The following PTPRT variants were observed in gnomAD, a reference collection of about 807,000 sequenced individuals.
PTPRT encodes the protein protein tyrosine phosphatase receptor type T.
PTPRT carries 56 observed loss-of-function variants against 176.8 expected under a neutral mutation model. The ratio of observed to expected loss-of-function variants is 0.32; its 90% confidence interval spans 0.26 to 0.40. The LOEUF (loss-of-function observed/expected upper bound fraction) is 0.40, where lower values mean the gene tolerates loss of function less well. Ranked by LOEUF, PTPRT falls within the 10% of genes least tolerant of loss-of-function variation. The pLI, the probability that PTPRT is intolerant of heterozygous loss-of-function variation, is 1.00. For missense variants in PTPRT, 1,540 were observed against 1,908.2 expected, an observed-to-expected ratio of 0.81 and a Z score of 3.60; for synonymous variants, 783 against 739.0, an observed-to-expected ratio of 1.06 and a Z score of -0.96.
intron 1 of PTPRT, among the ~76,000 whole-genome samples, chr20:43,086,249 A>G (rs372849695): frequency 6.6e-6 from 1 of 152,200 alleles, no homozygotes; most frequent in Non-Finnish European, 1.5e-5. Context: ...CTGAAGTCCA[A>G]ATAGAATGAG....
chr20:42,038,847 A>G, the PTPRT span, among the ~76,000 whole-genome samples: 1 of 152,184 alleles, frequency 6.6e-6, no homozygotes, highest in Non-Finnish European at 1.5e-5. Context: ...GCATCAGCAG[A>G]GACTGCTGGA....
intron 1 of PTPRT, among the ~76,000 whole-genome samples, chr20:43,160,611 G>A (rs1332912153): frequency 6.6e-6 from 1 of 152,074 alleles, no homozygotes; most frequent in Non-Finnish European, 1.5e-5. Flanking sequence ...GTGATATAAA[G>A]CCAGTCAACA....
chr20:42,140,237 T>C (rs79052097), intron 18 of PTPRT, among the ~76,000 whole-genome samples: 5 of 149,584 alleles, frequency 3.3e-5, no homozygotes, highest in Middle Eastern at 3.4e-3. Flanking sequence ...TTTTTTTTTT[T>C]CTTTTGGATG....
At chr20:42,223,571 A>C (rs1235770996) in intron 15 of PTPRT, among the ~76,000 whole-genome samples, 2 of 152,236 alleles carry the variant, frequency 1.3e-5, no homozygotes, top group African/African-American at 2.4e-5. Context: ...CCTTGCCTAC[A>C]TGGCTGGAAA....
At chr20:42,063,850 A>G in the PTPRT span, 47 of 152,228 alleles carry the variant, frequency 3.1e-4, no homozygotes, top group East Asian at 2.1e-3. Context: ...AATTCTGATT[A>G]TTTTATGAGA....
intron 2 of PTPRT, among the ~76,000 whole-genome samples, chr20:42,832,507 A>G (rs547331536): frequency 5.3e-5 from 8 of 149,982 alleles, no homozygotes; most frequent in Non-Finnish European, 8.9e-5. Context: ...ACTAAAAGCT[A>G]AAAAAAAAGA....
intron 7 of PTPRT, among the ~76,000 whole-genome samples, chr20:42,480,970 C>T (rs889800037): frequency 1.3e-5 from 2 of 151,532 alleles, no homozygotes; most frequent in African/African-American, 4.8e-5. Flanking sequence ...TACCATTTTT[C>T]ATGAAAGGTT....
chr20:42,219,219 A>T (rs1250059886), intron 15 of PTPRT, among the ~76,000 whole-genome samples: 1 of 152,176 alleles, frequency 6.6e-6, no homozygotes, highest in Non-Finnish European at 1.5e-5. Context: ...TGCAATCATA[A>T]ACTGCCGCTG....
At chr20:42,873,115 G>C (rs2078872532) in intron 2 of PTPRT, among the ~76,000 whole-genome samples, 1 of 152,166 alleles carries the variant, frequency 6.6e-6, no homozygotes, top group Non-Finnish European at 1.5e-5. Flanking sequence ...GGAAAACTGA[G>C]GTCCAGAGGT....
At chr20:43,051,625 TAAAA>T (rs35885799) in intron 1 of PTPRT, among the ~76,000 whole-genome samples, 9,410 of 91,812 alleles carry the variant, frequency 0.1, 429 homozygotes, top group Middle Eastern at 0.21. Flanking sequence ...TCTGTAACTG[TAAAA>T]AAAAAAAAAA....
intron 1 of PTPRT, among the ~76,000 whole-genome samples, chr20:42,993,614 T>C (rs769187254): frequency 4.7e-5 from 7 of 148,932 alleles, no homozygotes; most frequent in African/African-American, 7.6e-5. Context: ...ATTTGGGCCT[T>C]TCAGTTTATT....
chr20:42,718,929 T>C (rs1439708278), intron 6 of PTPRT, among the ~76,000 whole-genome samples: 2 of 152,100 alleles, frequency 1.3e-5, no homozygotes, highest in African/African-American at 2.4e-5. Flanking sequence ...GTGATACTAG[T>C]GATGGTAGGA....
chr20:42,660,217 C>G (rs1276220009), intron 7 of PTPRT, among the ~76,000 whole-genome samples: 1 of 152,098 alleles, frequency 6.6e-6, no homozygotes. Flanking sequence ...GGTGTCTGCT[C>G]CACCATTATG....
the PTPRT span, among the ~76,000 whole-genome samples, chr20:42,052,147 G>C: frequency 7.9e-5 from 12 of 152,240 alleles, no homozygotes; most frequent in African/African-American, 2.9e-4. Flanking sequence ...ACTTGGCACA[G>C]ACAGACCAGG....
intron 17 of PTPRT, among the ~76,000 whole-genome samples, 173 bp downstream of exon 17, chr20:42,161,179 T>C (rs1989579072): frequency 6.6e-6 from 1 of 152,190 alleles, no homozygotes; most frequent in Admixed American, 6.5e-5. Context: ...CTGGTTAAAA[T>C]GCAGGTTCTG....
At chr20:43,102,635 T>C (rs1317462829) in intron 1 of PTPRT, among the ~76,000 whole-genome samples, 1 of 152,148 alleles carries the variant, frequency 6.6e-6, no homozygotes, top group African/African-American at 2.4e-5. Flanking sequence ...TGGCTGTGGG[T>C]GCAGAGCAGG....
intron 16 of PTPRT, among the ~76,000 whole-genome samples, chr20:42,198,008 G>A (rs1156747550): frequency 6.6e-6 from 1 of 152,132 alleles, no homozygotes; most frequent in Admixed American, 6.5e-5. Flanking sequence ...ATATCCCTCA[G>A]TTGGGCCCCA....
intron 15 of PTPRT, among the ~76,000 whole-genome samples, chr20:42,203,640 A>T (rs922288264): frequency 6.6e-6 from 1 of 152,208 alleles, no homozygotes; most frequent in African/African-American, 2.4e-5. Flanking sequence ...TCATCCATTG[A>T]ACATGTACAT....
intron 1 of PTPRT, among the ~76,000 whole-genome samples, chr20:43,017,124 A>T (rs1489200016): frequency 6.6e-6 from 1 of 152,244 alleles, no homozygotes; most frequent in Non-Finnish European, 1.5e-5. Context: ...GAAAGACAGG[A>T]TCTGTCCACC....
Sources: gnomAD v4.1 joint callset for allele counts (sites outside exome capture counted in the v4.1 genomes callset) on GRCh38, gnomAD v4.1.1 for gene constraint, MANE v1.5 for transcripts, NCBI Gene and HGNC (gene_info 2026-07-23, HGNC 2026-07-21) for gene names.